EXTL3: variants seen among roughly 807,000 people sequenced by gnomAD.
EXTL3 encodes the protein exostosin like glycosyltransferase 3.
EXTL3 carries 27 observed loss-of-function variants against 69.3 expected under a neutral mutation model. The ratio of observed to expected loss-of-function variants is 0.39; its 90% CI spans 0.29 to 0.54. The LOEUF (loss-of-function observed/expected upper bound fraction) is 0.54. EXTL3 is among the 20% of genes least tolerant of loss of function. EXTL3 has a pLI of 0.69. For missense variants in EXTL3, 1,003 were observed against 1,231.8 expected (o/e 0.81, Z 2.78); for synonymous variants, 511 against 499.4 (o/e 1.02, Z -0.31).
intron 1 of EXTL3, among the ~76,000 whole-genome samples, chr8:28,702,413 G>T (rs1394623232): frequency 6.6e-6 from 1 of 152,214 alleles, no homozygotes; most frequent in Non-Finnish European, 1.5e-5. Flanking sequence ...CACCTATTCC[G>T]AGCCCCTCGG....
chr8:28,648,909 G>T (rs915894549), intron 1 of EXTL3, among the ~76,000 whole-genome samples: 3 of 151,776 alleles, frequency 2.0e-5, no homozygotes, highest in Non-Finnish European at 2.9e-5. Context: ...TTGTTTGTTT[G>T]TTGAGACAGA....
upstream of EXTL3, chr8:28,701,427 G>GCGCGCCCGCGCCCGCGCCCGCGCC (rs568686549): frequency 5.9e-5 from 9 of 151,830 alleles, no homozygotes; most frequent in African/African-American, 2.2e-4. Flanking sequence ...AGTGGCGAGC[G>GCGCGCCCGCGCCCGCGCCCGCGCC]CGCGCCCGCG....
At chr8:28,643,302 A>G (rs1806773251) in intron 1 of EXTL3, among the ~76,000 whole-genome samples, 1 of 152,052 alleles carries the variant, frequency 6.6e-6, no homozygotes, top group Non-Finnish European at 1.5e-5. Flanking sequence ...CATTTTAAGA[A>G]CATAATGGCT....
At chr8:28,668,404 T>C (rs1454690093) in intron 1 of EXTL3, among the ~76,000 whole-genome samples, 1 of 135,478 alleles carries the variant, frequency 7.4e-6, no homozygotes, top group Non-Finnish European at 1.5e-5. Context: ...CAATCTCGGC[T>C]CACTGCAACC....
intron 3 of EXTL3, among the ~76,000 whole-genome samples, chr8:28,726,490 T>C (rs1263233599): frequency 6.6e-6 from 1 of 152,178 alleles, no homozygotes; most frequent in African/African-American, 2.4e-5. Context: ...TAATGAACTA[T>C]AGTTAGTCTT....
chr8:28,635,392 TAAAAAA>T (rs372980960), intron 1 of EXTL3, among the ~76,000 whole-genome samples: 27,220 of 114,008 alleles, frequency 0.24, 3,261 homozygotes, highest in Non-Finnish European at 0.31. Flanking sequence ...ACTGGTCTCT[TAAAAAA>T]AAAAAAAAAA....
chr8:28,700,279 AGAG>A (rs2130695297), upstream of EXTL3: 1 of 152,460 alleles, frequency 6.6e-6, no homozygotes, highest in East Asian at 1.9e-4. Flanking sequence ...AGCAAGAGAA[AGAG>A]GATAGGAAAA....
chr8:28,745,355 T>G (rs1280291050), intron 6 of EXTL3, among the ~76,000 whole-genome samples: 3 of 152,254 alleles, frequency 2.0e-5, no homozygotes, highest in Non-Finnish European at 4.4e-5. Context: ...TGCCGAGACT[T>G]CTGCTAAAGC....
At chr8:28,713,891 T>TTTTC (rs1370899001) in intron 2 of EXTL3, among the ~76,000 whole-genome samples, 13 of 150,098 alleles carry the variant, frequency 8.7e-5, no homozygotes, top group African/African-American at 1.7e-4. Flanking sequence ...TAATATCCTC[T>TTTTC]TTTCTTTCTT....
At chr8:28,629,414 T>G (rs1806540292) in intron 1 of EXTL3, among the ~76,000 whole-genome samples, 1 of 151,898 alleles carries the variant, frequency 6.6e-6, no homozygotes, top group Non-Finnish European at 1.5e-5. Context: ...GTGAGTTAGT[T>G]CATTCATTCA....
intron 1 of EXTL3, chr8:28,696,446 T>C (rs574719151): frequency 1.3e-5 from 2 of 152,348 alleles, no homozygotes; most frequent in East Asian, 1.9e-4. Flanking sequence ...GTACACATTG[T>C]TGTGTGTCTG....
In EXTL3 at chr8:28,692,498, A is replaced by G. The variant is rs144960931; in HGVS notation, c.-52-20959A>G. ...GCAGATCTTCATAAATTGGTTTAAA[A>G]CCTATATATTTTTCTTTTGAAAATT... On this transcript the variant is annotated intron_variant, in intron 1 of 6. Transcript: ENST00000523149. 4.5e-3 allele frequency among the ~76,000 whole-genome samples: 688 copies of G among 152,246 alleles called. 1 individual carries two copies. Among genetic ancestry groups the G allele is most frequent in the African/African-American group, 0.015 (640 of 41,544 alleles).
chr8:28,738,990 G>T (rs1801717834), intron 5 of EXTL3, among the ~76,000 whole-genome samples: 1 of 152,194 alleles, frequency 6.6e-6, no homozygotes, highest in Non-Finnish European at 1.5e-5. Context: ...CATGAATGGT[G>T]AAGTGTCCCG....
chr8:28,731,972 C>T (rs1238456523), intron 4 of EXTL3, among the ~76,000 whole-genome samples: 4 of 152,108 alleles, frequency 2.6e-5, no homozygotes, highest in Non-Finnish European at 5.9e-5. Flanking sequence ...TCTCATTCAT[C>T]CTTCTAAAAT....
chr8:28,664,477 C>T (rs73232998), intron 1 of EXTL3, among the ~76,000 whole-genome samples: 10,023 of 152,178 alleles, frequency 0.066, 588 homozygotes, highest in East Asian at 0.25. Context: ...GCCACTGCAT[C>T]CGGCCTCTGG....
In EXTL3 at chr8:28,715,967, G is replaced by T. The variant is rs1801133362; in HGVS notation, c.-93G>T. 2 of 1,022,672 alleles carry T rather than the reference G, an allele frequency of 2.0e-6. No individual in the cohort carries two copies. The highest frequency in any genetic ancestry group is 2.9e-6 in the Non-Finnish European group (2 of 684,094). 63.3% of individuals were successfully genotyped at this position (1,022,672 alleles called of 1,614,324 possible). Reference sequence around the variant, plus strand: ...GGAGCACACTAACTCTTCTGGAAACGTGTCAGTGAAACAGAGATCGTTTTG... The same window carrying T: ...GGAGCACACTAACTCTTCTGGAAACTTGTCAGTGAAACAGAGATCGTTTTG... On this transcript the variant is annotated 5_prime_UTR_variant, in exon 3 of 7. Transcript: ENST00000220562.
intron 3 of EXTL3, among the ~76,000 whole-genome samples, chr8:28,729,117 G>A (rs1478800059): frequency 6.6e-6 from 1 of 151,552 alleles, no homozygotes; most frequent in African/African-American, 2.4e-5. Context: ...GCAATATGGT[G>A]AAACCCTGTC....
At chr8:28,701,992 CT>C (rs1431663326) in intron 1 of EXTL3, among the ~76,000 whole-genome samples, 1 of 152,116 alleles carries the variant, frequency 6.6e-6, no homozygotes. Flanking sequence ...CCGCCTCCAC[CT>C]TTTTTTGGAC....
At chr8:28,756,396 C>T (rs186663162), downstream of EXTL3, among the ~76,000 whole-genome samples, 145 of 152,292 alleles carry the variant, frequency 9.5e-4, 2 homozygotes, top group Admixed American at 9.3e-3. Context: ...CCCAGCATAA[C>T]GTTTTGGAGA....
Sources: allele counts gnomAD v4.1 joint callset (sites outside exome capture counted in the v4.1 genomes callset), GRCh38; gene constraint gnomAD v4.1.1; transcripts MANE v1.5; gene names NCBI Gene and HGNC (gene_info 2026-07-23, HGNC 2026-07-21).